The following PIEZO2 variants were observed in gnomAD, a reference collection of about 807,000 sequenced individuals.
The protein encoded by PIEZO2 is piezo-type mechanosensitive ion channel component 2.
Under a neutral mutation model 337.3 loss-of-function variants are expected in PIEZO2, and 172 were observed. The observed-to-expected ratio is 0.51, with a 90% CI of 0.45 to 0.58. The LOEUF is 0.58. Among genes scored for constraint, PIEZO2 ranks in the 20% least tolerant of loss-of-function variants. The pLI, the probability that PIEZO2 is intolerant of heterozygous loss-of-function variation, is 0.00. For synonymous variants in PIEZO2, 1,251 were observed against 1,228.5 expected (o/e 1.02, Z -0.38); for missense variants, 3,028 against 3,391.3 (o/e 0.89, Z 2.66).
chr18:10,891,692 A>T (rs2042761639), intron 4 of PIEZO2, among the ~76,000 whole-genome samples: 1 of 152,202 alleles, frequency 6.6e-6, no homozygotes, highest in Non-Finnish European at 1.5e-5. Context: ...ACTGCAGGTG[A>T]GGGATCTCAA....
intron 3 of PIEZO2, among the ~76,000 whole-genome samples, chr18:10,977,795 C>T (rs1043269723): frequency 1.3e-5 from 2 of 152,062 alleles, no homozygotes; most frequent in South Asian, 2.1e-4. Flanking sequence ...AAACTTTATG[C>T]TAAATTAAGG....
In PIEZO2 at chr18:10,872,431, T is replaced by C. The variant is rs1234255681; in HGVS notation, c.330-1016A>G. On this transcript the variant is annotated intron_variant, in intron 4 of 55. Coordinates refer to ENST00000674853, the MANE Select transcript of PIEZO2 (RefSeq NM_001378183.1). This position sits in a 1 kb window ranked among gnomAD's most constrained non-coding sequence, Gnocchi z 4.3. ...GGGAGGCGTCCAGTGGTAATGAATATGGGAATGAGAGGCAGTATACTGAGT... is the reference window on the plus strand; with the variant it reads ...GGGAGGCGTCCAGTGGTAATGAATACGGGAATGAGAGGCAGTATACTGAGT... 4.6e-5 allele frequency among the ~76,000 whole-genome samples: 7 copies of C among 152,116 alleles called. No individual in the cohort carries two copies. The highest frequency in any genetic ancestry group is 7.4e-5 in the Non-Finnish European group (5 of 68,014).
chr18:10,680,301 T>G lies in PIEZO2; in HGVS notation c.7850A>C (p.Asn2617Thr), dbSNP rs1260053518. The change falls in exon 52 of 56, where the codon AAT becomes ACT. Residue 2617 changes from asparagine (N) to threonine (T), a missense_variant. Around this residue, in one of 5 missense-constraint regions of PIEZO2, gnomAD observed 332 missense variants for 363.8 expected, o/e 0.91. Transcript: ENST00000674853. ...GGGTGGGCTGATGGTCCACAAAGAATTTGAGTTTCCTTCCAGTTCTGCTAC... is the reference window on the plus strand; with the variant it reads ...GGGTGGGCTGATGGTCCACAAAGAAGTTGAGTTTCCTTCCAGTTCTGCTAC... Reference protein sequence around the residue: ...ITVAELEGNSNSLWTISPPSK... With the variant: ...ITVAELEGNSTSLWTISPPSK... 6.2e-7 allele frequency: 1 copy of G among 1,614,156 alleles called. No homozygotes were observed.
intron 3 of PIEZO2, among the ~76,000 whole-genome samples, chr18:10,928,571 G>A (rs2031895036): frequency 6.6e-6 from 1 of 152,188 alleles, no homozygotes; most frequent in Non-Finnish European, 1.5e-5. Flanking sequence ...AAACACAAAA[G>A]TTTTGTTGTA....
rs924070132 is a variant in PIEZO2 at position 10,821,162 on chromosome 18, T to A, written c.918-13888A>T. Among the ~76,000 whole-genome samples the A allele has an allele frequency of 1.3e-5, 2 of 152,136 alleles. No individual in the cohort carries two copies. The highest frequency in any genetic ancestry group is 4.8e-5 in the African/African-American group (2 of 41,432). On this transcript the variant is annotated intron_variant, in intron 7 of 55. Transcript: ENST00000674853. This position sits in a 1 kb window ranked among gnomAD's most constrained non-coding sequence, Gnocchi z 4.2. ...TCCTCTCCAAATTCCCATCTTCAGC[T>A]CAGCAAGACCACCATGCTCAGTTTG...
intron 47 of PIEZO2, among the ~76,000 whole-genome samples, chr18:10,691,826 G>A (rs1451569248): frequency 8.8e-6 from 1 of 113,114 alleles, no homozygotes; most frequent in Non-Finnish European, 1.8e-5. Flanking sequence ...GGATCCATTT[G>A]GAATATGTAG....
chr18:10,852,205 A>G (rs1197706675), intron 7 of PIEZO2, among the ~76,000 whole-genome samples: 1 of 152,228 alleles, frequency 6.6e-6, no homozygotes, highest in Non-Finnish European at 1.5e-5. Context: ...GTGAATATGC[A>G]CTATTAAAGA....
intron 15 of PIEZO2, among the ~76,000 whole-genome samples, chr18:10,788,539 T>G (rs891055844): frequency 6.6e-6 from 1 of 151,996 alleles, no homozygotes; most frequent in South Asian, 2.1e-4. Flanking sequence ...GGAAAACCTA[T>G]GTATGAACTT....
intron 1 of PIEZO2, among the ~76,000 whole-genome samples, chr18:11,089,290 T>A (rs1430535338): frequency 6.6e-6 from 1 of 152,166 alleles, no homozygotes; most frequent in Admixed American, 6.5e-5. Context: ...ACAGAATGCT[T>A]AGGCTTATCG....
rs2042880366 is a variant in PIEZO2, at chr18:10,895,691, AC to A, written c.329+15494del. On this transcript the variant is annotated intron_variant, in intron 4 of 55. Transcript: ENST00000674853. The surrounding 1 kb of genome is among the most constrained non-coding windows in gnomAD (Gnocchi z 4.8). ...AAATGGGGCGCTCCCTCTGACCTGC[AC>A]ATTTCATCTCTACCCAATGGACTAC... Among the ~76,000 whole-genome samples the A allele has an allele frequency of 6.6e-6, 1 of 152,176 alleles. No homozygotes were observed. Among genetic ancestry groups the A allele is most frequent in the Non-Finnish European group, 1.5e-5 (1 of 68,028 alleles).
intron 2 of PIEZO2, among the ~76,000 whole-genome samples, chr18:11,059,487 T>A (rs2037857963): frequency 1.3e-5 from 2 of 152,260 alleles, no homozygotes; most frequent in African/African-American, 4.8e-5. Context: ...TCAAGACCCA[T>A]CAGTGTGCTG....
At chr18:10,851,250 A>G (rs899531637) in intron 7 of PIEZO2, among the ~76,000 whole-genome samples, 13 of 151,212 alleles carry the variant, frequency 8.6e-5, no homozygotes, top group Non-Finnish European at 1.6e-4. Flanking sequence ...CCTAGGATAA[A>G]GCTATGGTTT....
intron 7 of PIEZO2, among the ~76,000 whole-genome samples, chr18:10,851,484 A>T (rs954293117): frequency 1.3e-5 from 2 of 152,138 alleles, no homozygotes; most frequent in African/African-American, 4.8e-5. Context: ...TGTCTGTAAT[A>T]AATTATAATT....
chr18:10,704,077 C>T (rs940087408), intron 42 of PIEZO2, among the ~76,000 whole-genome samples: 1 of 152,178 alleles, frequency 6.6e-6, no homozygotes, highest in East Asian at 1.9e-4. Context: ...CGTGTACCCA[C>T]CCCTCACCAG....
intron 1 of PIEZO2, among the ~76,000 whole-genome samples, chr18:11,067,594 C>T (rs2038194042): frequency 6.6e-6 from 1 of 152,118 alleles, no homozygotes. Flanking sequence ...GATAGCTAGA[C>T]TTATATCAGA....
At position 10,907,801 on chromosome 18, in the gene PIEZO2, G is replaced by A. The variant is rs2030092679; in HGVS notation, c.329+3385C>T. 2.0e-5 allele frequency among the ~76,000 whole-genome samples: 3 copies of A among 152,204 alleles called. No homozygotes were observed. The South Asian group carries it at 6.2e-4, about 32-fold the overall frequency. Reference sequence around the variant, plus strand: ...TTATAATCATAAGCTTAGAAAATCTGCACAGAAAGGTGAGCTGATTGAAAC... The same window carrying A: ...TTATAATCATAAGCTTAGAAAATCTACACAGAAAGGTGAGCTGATTGAAAC... On this transcript the variant is annotated intron_variant, in intron 4 of 55. Transcript: ENST00000674853.
chr18:10,758,164 C>T (rs768813443), intron 26 of PIEZO2, 30 bp from the exon 27 acceptor site: 14 of 1,531,278 alleles, frequency 9.1e-6, no homozygotes, highest in Admixed American at 2.0e-5. Flanking sequence ...ATCATTAAGC[C>T]GCCTCATCCT....
chr18:10,863,206 A>G lies in PIEZO2; in HGVS notation c.493-5995T>C, dbSNP rs2041920877. Among the ~76,000 whole-genome samples the G allele has an allele frequency of 6.6e-6, 1 of 152,230 alleles. No individual in the cohort carries two copies. Among genetic ancestry groups the G allele is most frequent in the African/African-American group, 2.4e-5 (1 of 41,458 alleles). ...CTCAATACAAGAGCCAGAGGAAGGA[A>G]AAGACAAGGTTGTGACTCACTGCAG... is the stretch of plus-strand genomic sequence containing the variant. On this transcript the variant is annotated intron_variant, in intron 5 of 55. Transcript: ENST00000674853. This position sits in a 1 kb window ranked among gnomAD's most constrained non-coding sequence, Gnocchi z 4.3.
rs114395768 is a variant in PIEZO2 at position 10,857,909 on chromosome 18, C to T, written c.493-698G>A. The stretch of plus-strand genomic sequence containing the variant: ...GTATGCTAAGGCATTTTTGCTTGTT[C>T]GTTTTGCGTTTAAAGAATAAATGGG... On this transcript the variant is annotated intron_variant, in intron 5 of 55. Transcript: ENST00000674853. Among the ~76,000 whole-genome samples, 982 of 151,786 alleles carry T rather than the reference C, an allele frequency of 6.5e-3. 12 individuals carry two copies. Among genetic ancestry groups the T allele is most frequent in the African/African-American group, 0.021 (868 of 41,400 alleles).
Sources: gnomAD v4.1 joint callset for allele counts (sites outside exome capture counted in the v4.1 genomes callset) on GRCh38, gnomAD v4.1.1 for gene constraint, gnomAD v4.1.1 regional missense constraint, Gnocchi (gnomAD v3.1) non-coding constraint, MANE v1.5 for transcripts, NCBI Gene and HGNC (gene_info 2026-07-23, HGNC 2026-07-21) for gene names.